Variants in DCLK1 observed in about 807,000 individuals in gnomAD.
DCLK1 encodes the protein doublecortin like kinase 1.
In DCLK1, 16 loss-of-function variants were observed where a neutral mutation model predicts 86.2. That is an observed-to-expected ratio of 0.19 (90% CI 0.13 to 0.28). The LOEUF (loss-of-function observed/expected upper bound fraction) is 0.28, where lower values mean the gene tolerates loss of function less well. Ranked by LOEUF, DCLK1 falls within the 10% of genes least tolerant of loss-of-function variation. The pLI, the probability that DCLK1 is intolerant of heterozygous loss-of-function variation, is 1.00. For synonymous variants in DCLK1, 369 were observed against 370.5 expected (o/e 1.00, Z 0.05); for missense variants, 590 against 940.2 (o/e 0.63, Z 4.87).
At chr13:35,918,375 AGT>A (rs1875561215) in intron 4 of DCLK1, among the ~76,000 whole-genome samples, 1 of 152,112 alleles carries the variant, frequency 6.6e-6, no homozygotes, top group South Asian at 2.1e-4. Flanking sequence ...AACGTGGAGG[AGT>A]GGGGAGTTAT....
chr13:35,886,962 C>A (rs1873306313), intron 4 of DCLK1, among the ~76,000 whole-genome samples: 1 of 152,208 alleles, frequency 6.6e-6, no homozygotes, highest in African/African-American at 2.4e-5. Flanking sequence ...ATGGCCACTC[C>A]TCTTTCAGTC....
intron 15 of DCLK1, among the ~76,000 whole-genome samples, chr13:35,798,794 T>C (rs1420468891): frequency 6.6e-6 from 1 of 152,222 alleles, no homozygotes; most frequent in Non-Finnish European, 1.5e-5. Flanking sequence ...GCTAACAAAT[T>C]CTACCAGCAC....
intron 3 of DCLK1, among the ~76,000 whole-genome samples, chr13:36,069,883 A>G (rs1161315285): frequency 6.6e-6 from 1 of 152,172 alleles, no homozygotes; most frequent in Non-Finnish European, 1.5e-5. Flanking sequence ...TTAACACTAG[A>G]GCAACAGCAT....
chr13:35,938,348 G>A (rs2153131011), intron 4 of DCLK1, among the ~76,000 whole-genome samples: 1 of 152,228 alleles, frequency 6.6e-6, no homozygotes, highest in East Asian at 1.9e-4. Context: ...ATGAGCACTA[G>A]GCCAGGTGCA....
At chr13:36,011,786 G>T (rs1456841898) in intron 3 of DCLK1, among the ~76,000 whole-genome samples, 1 of 150,286 alleles carries the variant, frequency 6.7e-6, no homozygotes, top group Non-Finnish European at 1.5e-5. Flanking sequence ...TATCCTTTTT[G>T]ACTTTCTGTC....
intron 5 of DCLK1, chr13:35,855,878 G>T: frequency 9.0e-7 from 1 of 1,111,448 alleles, no homozygotes; most frequent in Non-Finnish European, 1.1e-6. Context: ...GGGGGCAAGA[G>T]ATCCAGTGAC....
At chr13:35,850,899 C>T in intron 6 of DCLK1, 1 of 750,760 alleles carries the variant, frequency 1.3e-6, no homozygotes, top group Non-Finnish European at 1.9e-6. Flanking sequence ...TTTCAAGTCA[C>T]CAACTTGGAT....
intron 3 of DCLK1, among the ~76,000 whole-genome samples, chr13:36,025,215 G>C (rs1029717890): frequency 3.9e-5 from 6 of 152,024 alleles, no homozygotes; most frequent in African/African-American, 1.4e-4. Context: ...TGATCCACCC[G>C]CTTCGGCCTC....
intron 3 of DCLK1, among the ~76,000 whole-genome samples, chr13:36,091,675 G>A (rs1407226418): frequency 6.6e-6 from 1 of 152,130 alleles, no homozygotes; most frequent in Non-Finnish European, 1.5e-5. Flanking sequence ...TATGAGTCAA[G>A]GTAGATAAAG....
intron 3 of DCLK1, among the ~76,000 whole-genome samples, chr13:35,975,483 C>T (rs2153140379): frequency 6.6e-6 from 1 of 152,254 alleles, no homozygotes; most frequent in Admixed American, 6.5e-5. Flanking sequence ...CACCACACAG[C>T]CCACGAAGGA....
chr13:36,063,254 T>C (rs1883624951), intron 3 of DCLK1, among the ~76,000 whole-genome samples: 1 of 152,132 alleles, frequency 6.6e-6, no homozygotes, highest in Non-Finnish European at 1.5e-5. Flanking sequence ...TGGAAAAGTC[T>C]AGATGACCAT....
At chr13:35,877,484 A>C (rs1872655196) in intron 4 of DCLK1, among the ~76,000 whole-genome samples, 1 of 152,336 alleles carries the variant, frequency 6.6e-6, no homozygotes, top group South Asian at 2.1e-4. Flanking sequence ...ATCTTGAACA[A>C]GGCATAGGTG....
At chr13:35,969,518 T>C (rs1804527210) in intron 3 of DCLK1, among the ~76,000 whole-genome samples, 1 of 152,218 alleles carries the variant, frequency 6.6e-6, no homozygotes, top group Admixed American at 6.5e-5. Context: ...GACACCTTGA[T>C]TATGAACTTC....
Position 35,888,111 on chromosome 13 carries a change from G to T in DCLK1, c.824-16771C>A, listed in dbSNP as rs1926456. On this transcript the variant is annotated intron_variant, in intron 4 of 16. Coordinates refer to ENST00000360631, the MANE Select transcript of DCLK1 (RefSeq NM_001330071.2). Reference sequence around the variant, plus strand: ...TATGTGTCCTACTCTGAAAACTTCAGATTTCCTTTTCCCCACTTTTGCCAA... The same window carrying T: ...TATGTGTCCTACTCTGAAAACTTCATATTTCCTTTTCCCCACTTTTGCCAA... Among the ~76,000 whole-genome samples the T allele has an allele frequency of 2.4e-4, 36 of 152,178 alleles. No individual in the cohort carries two copies. The South Asian group carries it at 6.9e-3, about 29-fold the overall frequency.
rs541428927 is a variant in DCLK1, at chr13:35,857,910, C to T, written c.941-3317G>A. 1.2e-4 allele frequency among the ~76,000 whole-genome samples: 18 copies of T among 152,114 alleles called. 1 individual carries two copies. The South Asian group carries it at 3.5e-3, about 30-fold the overall frequency. On this transcript the variant is annotated intron_variant, in intron 5 of 16. Coordinates refer to ENST00000360631, the MANE Select transcript of DCLK1 (RefSeq NM_001330071.2). ...TAAAGCAAGTATGTGGGGTTGGAGG[C>T]GGAGGAATGTCAGGAATGAGATGGA...
intron 11 of DCLK1, among the ~76,000 whole-genome samples, chr13:35,816,061 G>A (rs899002198): frequency 2.6e-5 from 4 of 152,190 alleles, no homozygotes; most frequent in Middle Eastern, 3.4e-3. Flanking sequence ...ATCTTAAAAG[G>A]AGTTCTATGC....
At chr13:36,106,466 TTTTAA>T (rs1885399475) in intron 3 of DCLK1, among the ~76,000 whole-genome samples, 1 of 152,214 alleles carries the variant, frequency 6.6e-6, no homozygotes, top group African/African-American at 2.4e-5. Flanking sequence ...TTGTAGAGAA[TTTTAA>T]TTTGACATTT....
At chr13:35,815,359 T>C (rs114604211) in intron 11 of DCLK1, among the ~76,000 whole-genome samples, 6,895 of 152,298 alleles carry the variant, frequency 0.045, 531 homozygotes, top group African/African-American at 0.16. Context: ...TCAAAAGGTT[T>C]CTGAGATTCC....
chr13:35,961,388 T>A (rs941237341), intron 3 of DCLK1, among the ~76,000 whole-genome samples: 1 of 152,236 alleles, frequency 6.6e-6, no homozygotes, highest in Non-Finnish European at 1.5e-5. Context: ...GGTTTCCAGT[T>A]TGTCCTTTCC....
Sources: allele counts gnomAD v4.1 joint callset (sites outside exome capture counted in the v4.1 genomes callset), GRCh38; gene constraint gnomAD v4.1.1; transcripts MANE v1.5; gene names NCBI Gene and HGNC (gene_info 2026-07-23, HGNC 2026-07-21).